The following AGPAT3 variants were observed in gnomAD, a reference collection of about 807,000 sequenced individuals.
AGPAT3 encodes 1-acyl-sn-glycerol-3-phosphate acyltransferase gamma.
AGPAT3 carries 5 observed loss-of-function variants against 47.3 expected under a neutral mutation model. That is an observed-to-expected ratio of 0.11 (90% confidence interval 0.06 to 0.22). The LOEUF (loss-of-function observed/expected upper bound fraction) is 0.22. Among genes scored for constraint, AGPAT3 ranks in the 10% least tolerant of loss-of-function variants. The probability of loss-of-function intolerance (pLI) is 1.00; values close to 1 mark genes in which losing one functional copy is unlikely to be tolerated. For synonymous variants in AGPAT3, 212 were observed against 208.3 expected (o/e 1.02, Z -0.15); for missense variants, 315 against 493.0 (o/e 0.64, Z 3.42).
At position 43,908,056 on chromosome 21, in the gene AGPAT3, C is replaced by T. The variant is rs2086546406; in HGVS notation, c.-49+4037C>T. 6.6e-6 allele frequency among the ~76,000 whole-genome samples: 1 copy of T among 152,148 alleles called. No individual in the cohort carries two copies. Among genetic ancestry groups the T allele is most frequent in the South Asian group, 2.1e-4 (1 of 4,816 alleles). On this transcript the variant is annotated intron_variant, in intron 2 of 9. Coordinates refer to ENST00000291572, the MANE Select transcript of AGPAT3 (RefSeq NM_020132.5). The surrounding 1 kb of genome is among the most constrained non-coding windows in gnomAD (Gnocchi z 4.9). ...CGGAGGAGGGCGCTGGCTCAGGCAC[C>T]CCAGGGACGCTTTCTCTTTCCGTGT...
chr21:43,979,820 A>G (rs1258211948), intron 8 of AGPAT3, among the ~76,000 whole-genome samples: 2 of 152,220 alleles, frequency 1.3e-5, no homozygotes, highest in African/African-American at 4.8e-5. Context: ...GGTGGCCAGG[A>G]CACGATGACA....
intron 5 of AGPAT3, among the ~76,000 whole-genome samples, 168 bp downstream of exon 5, chr21:43,969,447 G>GCTT (rs2089300756): frequency 6.6e-6 from 1 of 152,182 alleles, no homozygotes; most frequent in Non-Finnish European, 1.5e-5. Flanking sequence ...AGGCGTGGAG[G>GCTT]CTTCTCTTGG....
At position 43,922,291 on chromosome 21, in the gene AGPAT3, C is replaced by T. The variant is rs1045282195; in HGVS notation, c.-49+18272C>T. Among the ~76,000 whole-genome samples, 8 of 152,076 alleles carry T rather than the reference C, an allele frequency of 5.3e-5. No individual in the cohort carries two copies. Among genetic ancestry groups the T allele is most frequent in the Admixed American group, 3.9e-4 (6 of 15,280 alleles). ...TCCTGTTCTTGTGGGGGTGGCGAGG[C>T]GAGGATGGTGAACACATCAGCAAAC... On this transcript the variant is annotated intron_variant, in intron 2 of 9. Transcript: ENST00000291572. This position sits in a 1 kb window ranked among gnomAD's most constrained non-coding sequence, Gnocchi z 4.9.
Position 43,969,289 on chromosome 21 carries a change from C to A in AGPAT3, c.510+10C>A, listed in dbSNP as rs763525716. ...CCCCGAGTACATGTGGGTGAGTGCG[C>A]GGAGCAGCCCGATACCCTGCATGCC... On this transcript the variant is annotated intron_variant, in intron 5 of 9. Transcript: ENST00000291572. 3 of 1,613,984 alleles carry A rather than the reference C, an allele frequency of 1.9e-6. No homozygotes were observed. Among genetic ancestry groups the A allele is most frequent in the Non-Finnish European group, 2.5e-6 (3 of 1,179,912 alleles).
chr21:43,981,396 C>T lies in AGPAT3; in HGVS notation c.1042+209C>T, dbSNP rs2089845887. The T allele has an allele frequency of 8.2e-6, 5 of 610,792 alleles. No homozygotes were observed. The highest frequency in any genetic ancestry group is 6.0e-5 in the South Asian group (3 of 49,944). The allele number at this position is 610,792 out of a possible 1,614,324, so 37.8% of individuals were successfully genotyped here. ...AGGGTCGCCTCCCCAGAGAGCCGAA[C>T]GGCCGCCACCTGGCGCCATCCCCAC... On this transcript the variant is annotated intron_variant, in intron 9 of 9. Coordinates refer to ENST00000291572, the MANE Select transcript of AGPAT3 (RefSeq NM_020132.5). The surrounding 1 kb of genome is among the most constrained non-coding windows in gnomAD (Gnocchi z 5.3).
intron 1 of AGPAT3, among the ~76,000 whole-genome samples, chr21:43,874,807 A>G (rs1442553237): frequency 7.2e-5 from 11 of 152,152 alleles, no homozygotes; most frequent in Admixed American, 7.2e-4. Context: ...CATGTCTTTC[A>G]GCAATTCTGG....
Position 43,981,489 on chromosome 21 carries a change from C to T in AGPAT3, c.1042+302C>T. On this transcript the variant is annotated intron_variant, in intron 9 of 9. Coordinates refer to ENST00000291572, the MANE Select transcript of AGPAT3 (RefSeq NM_020132.5). This position sits in a 1 kb window ranked among gnomAD's most constrained non-coding sequence, Gnocchi z 5.3. ...GGTCCCCGAGAGGGTCCCCAGCCCC[C>T]CTGTCTGCTTTTGGGCTCTTAGGGG... 2 of 467,860 alleles carry T rather than the reference C, an allele frequency of 4.3e-6. No homozygotes were observed. The highest frequency in any genetic ancestry group is 4.1e-5 in the East Asian group (1 of 24,476). 29.0% of individuals were successfully genotyped at this position (467,860 alleles called of 1,614,324 possible). A position where few individuals can be genotyped will look rare whatever the true frequency, so the allele number is the denominator to read the frequency against.
At chr21:43,969,024 C>A (rs1391049980) in intron 4 of AGPAT3, 94 bp from the exon 5 acceptor site, 22 of 1,378,334 alleles carry the variant, frequency 1.6e-5, no homozygotes, top group Non-Finnish European at 2.2e-5. Context: ...TAGAGCGACA[C>A]CACACAGGAG....
At chr21:43,945,203 G>A (rs2087831481) in intron 2 of AGPAT3, among the ~76,000 whole-genome samples, 1 of 152,184 alleles carries the variant, frequency 6.6e-6, no homozygotes, top group Non-Finnish European at 1.5e-5. Flanking sequence ...GTGACAGGAA[G>A]TAAAAAGCCT....
rs1379663506 is a variant in AGPAT3, at chr21:43,920,429, T to C, written c.-49+16410T>C. On this transcript the variant is annotated intron_variant, in intron 2 of 9. Transcript: ENST00000291572. The surrounding 1 kb of genome is among the most constrained non-coding windows in gnomAD (Gnocchi z 6.1). The stretch of plus-strand genomic sequence containing the variant: ...ATACTTTGGTCTCTGGCCCTGGCTC[T>C]GGGCACACAGCTCCTACAACCTTTA... Among the ~76,000 whole-genome samples the C allele has an allele frequency of 1.3e-5, 2 of 152,170 alleles. No homozygotes were observed. The highest frequency in any genetic ancestry group is 4.8e-5 in the African/African-American group (2 of 41,428).
At chr21:43,959,184 G>T (rs369025203) in intron 2 of AGPAT3, among the ~76,000 whole-genome samples, 66 of 146,246 alleles carry the variant, frequency 4.5e-4, no homozygotes, top group African/African-American at 1.6e-3. Context: ...TTTGCAGTGT[G>T]TGTGGCGTGT....
chr21:43,906,837 C>T (rs1001662542), intron 2 of AGPAT3, among the ~76,000 whole-genome samples: 16 of 152,174 alleles, frequency 1.1e-4, no homozygotes, highest in Non-Finnish European at 1.8e-4. Flanking sequence ...ACCCGTGCTC[C>T]GCCTGGGCGA....
In AGPAT3 at chr21:43,939,491, C is replaced by T. The variant is rs1040777920; in HGVS notation, c.-48-20143C>T. Among the ~76,000 whole-genome samples, 6 of 152,300 alleles carry T rather than the reference C, an allele frequency of 3.9e-5. No individual in the cohort carries two copies. Among genetic ancestry groups the T allele is most frequent in the Middle Eastern group, 3.4e-3 (1 of 294 alleles). On this transcript the variant is annotated intron_variant, in intron 2 of 9. Transcript: ENST00000291572. This position sits in a 1 kb window ranked among gnomAD's most constrained non-coding sequence, Gnocchi z 4.4. Reference sequence around the variant, plus strand: ...TGCCTGACTTCTGGAGGATAAGAGGCGGCCCACCCCACAGCTCTTCCAGCG... The same window carrying T: ...TGCCTGACTTCTGGAGGATAAGAGGTGGCCCACCCCACAGCTCTTCCAGCG...
chr21:43,932,338 G>A lies in AGPAT3; in HGVS notation c.-48-27296G>A, dbSNP rs578122944. Among the ~76,000 whole-genome samples, 9 of 152,262 alleles carry A rather than the reference G, an allele frequency of 5.9e-5. No individual in the cohort carries two copies. The highest frequency in any genetic ancestry group is 1.9e-4 in the African/African-American group (8 of 41,544). On this transcript the variant is annotated intron_variant, in intron 2 of 9. Transcript: ENST00000291572. The surrounding 1 kb of genome is among the most constrained non-coding windows in gnomAD (Gnocchi z 5.2). ...GTGAGACCTCCGTTTCCGATTCCTCGTGTGAGTGAGGTCGTGCAGGACTTG... is the reference window on the plus strand; with the variant it reads ...GTGAGACCTCCGTTTCCGATTCCTCATGTGAGTGAGGTCGTGCAGGACTTG...
chr21:43,975,357 ATG>A (rs201922921), intron 7 of AGPAT3, among the ~76,000 whole-genome samples: 2,237 of 125,210 alleles, frequency 0.018, 56 homozygotes, highest in African/African-American at 0.061. Flanking sequence ...GTGTGCTGGC[ATG>A]TGTGTGGCAT....
chr21:43,935,520 G>A (rs939083454), intron 2 of AGPAT3, among the ~76,000 whole-genome samples: 11 of 152,232 alleles, frequency 7.2e-5, no homozygotes, highest in Admixed American at 1.3e-4. Context: ...GTCCAGGAGC[G>A]GCCTGCAGGG....
intron 2 of AGPAT3, among the ~76,000 whole-genome samples, chr21:43,951,439 G>A (rs989572254): frequency 6.6e-6 from 1 of 152,198 alleles, no homozygotes; most frequent in Non-Finnish European, 1.5e-5. Context: ...CCTTGCTCTC[G>A]GAAGGGCGGC....
At chr21:43,875,080 A>G (rs9637176) in intron 1 of AGPAT3, among the ~76,000 whole-genome samples, 43,137 of 152,016 alleles carry the variant, frequency 0.28, 7,459 homozygotes, top group East Asian at 0.53. Context: ...TCCCAGGTTC[A>G]AGCAATTCTC....
At chr21:43,867,678 T>C (rs933183402) in intron 1 of AGPAT3, 1 of 152,262 alleles carries the variant, frequency 6.6e-6, no homozygotes, top group Non-Finnish European at 1.5e-5. Context: ...TGTTATAAGG[T>C]ATCGCCGGTG....
Sources: allele counts gnomAD v4.1 joint callset (sites outside exome capture counted in the v4.1 genomes callset), GRCh38; gene constraint gnomAD v4.1.1; non-coding constraint Gnocchi (gnomAD v3.1); transcripts MANE v1.5; gene names NCBI Gene and HGNC (gene_info 2026-07-23, HGNC 2026-07-21).